PTPN4: variants seen among roughly 807,000 people sequenced by gnomAD.
The protein encoded by PTPN4 is protein tyrosine phosphatase non-receptor type 4.
Under a neutral mutation model 135.5 loss-of-function variants are expected in PTPN4, and 49 were observed. That is an observed-to-expected ratio of 0.36 (90% CI 0.29 to 0.46). The LOEUF is 0.46. PTPN4 is among the 20% of genes least tolerant of loss of function. The probability of loss-of-function intolerance (pLI) is 1.00; values close to 1 mark genes in which losing one functional copy is unlikely to be tolerated. For missense variants in PTPN4, 860 were observed against 1,101.0 expected, an observed-to-expected ratio of 0.78 and a Z score of 3.10; for synonymous variants, 333 against 369.9, an observed-to-expected ratio of 0.90 and a Z score of 1.14.
At chr2:119,955,100 C>T (rs981197720) in intron 19 of PTPN4, 57 bp from the exon 20 acceptor site, 14 of 1,424,514 alleles carry the variant, frequency 9.8e-6, no homozygotes, top group East Asian at 4.6e-5. Context: ...AAATTCCTAT[C>T]GTGTGAATTC....
At chr2:119,828,226 G>A (rs1325256019) in intron 2 of PTPN4, among the ~76,000 whole-genome samples, 1 of 152,194 alleles carries the variant, frequency 6.6e-6, no homozygotes, top group Non-Finnish European at 1.5e-5. Flanking sequence ...TATGAGCAAG[G>A]CATCTTGTAC....
Position 119,760,171 on chromosome 2 carries a change from T to TGCCACCTCCCC in PTPN4, c.-230_-220dup, listed in dbSNP as rs1209350309. The TGCCACCTCCCC allele has an allele frequency of 1.8e-5, 7 of 393,698 alleles. No individual in the cohort carries two copies. Among genetic ancestry groups the TGCCACCTCCCC allele is most frequent in the South Asian group, 1.3e-4 (1 of 7,452 alleles). The allele number at this position is 393,698 out of a possible 1,614,324, so 24.4% of individuals were successfully genotyped here. On this transcript the variant is annotated 5_prime_UTR_variant, in exon 1 of 27. Transcript: ENST00000263708. Reference sequence around the variant, plus strand: ...AGAGGTCGCCGGCTGCCCGCCTCCCTGCCACCTCCCCAGCGGCGCCGGCCC... The same window carrying TGCCACCTCCCC: ...AGAGGTCGCCGGCTGCCCGCCTCCCTGCCACCTCCCCGCCACCTCCCCAGCGGCGCCGGCCC...
intron 18 of PTPN4, among the ~76,000 whole-genome samples, chr2:119,950,167 T>G (rs1679191995): frequency 1.3e-5 from 2 of 152,174 alleles, no homozygotes; most frequent in Non-Finnish European, 2.9e-5. Flanking sequence ...AAAAGCTCTG[T>G]CTGCTATAGC....
intron 10 of PTPN4, among the ~76,000 whole-genome samples, chr2:119,913,931 T>C (rs1678610344): frequency 6.6e-6 from 1 of 152,174 alleles, no homozygotes. Flanking sequence ...ATTTATACAT[T>C]GGTATTTTTC....
At position 119,941,390 on chromosome 2, in the gene PTPN4, T is replaced by C. The variant is rs377667098; in HGVS notation, c.1356-3691T>C. On this transcript the variant is annotated intron_variant, in intron 15 of 26. Transcript: ENST00000263708. The stretch of plus-strand genomic sequence containing the variant: ...TTTCAGGAGTCTGTGTTGACATCCT[T>C]GATTACTTTTATAGACTTCAGAGTG... Among the ~76,000 whole-genome samples, 3 of 151,028 alleles carry C rather than the reference T, an allele frequency of 2.0e-5. No individual in the cohort carries two copies. In the East Asian group the frequency reaches 5.9e-4, roughly 30 times the overall value.
chr2:119,795,422 C>G (rs938273112), intron 1 of PTPN4, among the ~76,000 whole-genome samples: 2 of 152,250 alleles, frequency 1.3e-5, no homozygotes, highest in Admixed American at 1.3e-4. Flanking sequence ...GCGGGCCTCA[C>G]CCCCTCCTCG....
intron 2 of PTPN4, among the ~76,000 whole-genome samples, chr2:119,855,812 AT>A (rs1198736843): frequency 6.6e-6 from 1 of 150,400 alleles, no homozygotes; most frequent in Non-Finnish European, 1.5e-5. Flanking sequence ...ATTTATTATT[AT>A]TTTTTTTTGA....
At chr2:119,915,412 A>C in intron 11 of PTPN4, 170 bp downstream of exon 11, 1 of 461,634 alleles carries the variant, frequency 2.2e-6, no homozygotes, top group Non-Finnish European at 3.7e-6. Context: ...TTGTTTTTCC[A>C]GTGTGTATGT....
At chr2:119,782,983 C>T (rs1056561085) in intron 1 of PTPN4, among the ~76,000 whole-genome samples, 3 of 144,594 alleles carry the variant, frequency 2.1e-5, no homozygotes, top group Non-Finnish European at 4.5e-5. Context: ...TGAGCCACCA[C>T]GCCTGGCTGA....
intron 1 of PTPN4, among the ~76,000 whole-genome samples, chr2:119,808,773 T>C (rs1031959112): frequency 6.6e-6 from 1 of 152,198 alleles, no homozygotes; most frequent in Non-Finnish European, 1.5e-5. Context: ...CTTGTCAACA[T>C]AGTAAGACTT....
chr2:119,832,655 T>C (rs1677236018), intron 2 of PTPN4, among the ~76,000 whole-genome samples: 1 of 152,126 alleles, frequency 6.6e-6, no homozygotes, highest in Admixed American at 6.6e-5. Context: ...AGGAGATACT[T>C]GTATATCTTT....
At chr2:119,807,688 C>T (rs1055502850) in intron 1 of PTPN4, among the ~76,000 whole-genome samples, 3 of 152,130 alleles carry the variant, frequency 2.0e-5, no homozygotes, top group Admixed American at 2.0e-4. Context: ...CTATTCCAAT[C>T]AATAGAAAAA....
chr2:119,844,519 T>G (rs1354781893), intron 2 of PTPN4, among the ~76,000 whole-genome samples: 16 of 102,370 alleles, frequency 1.6e-4, no homozygotes, highest in African/African-American at 2.4e-4. Flanking sequence ...GGGCAGAGGG[T>G]CTCCTCACTT....
chr2:119,944,258 C>T (rs529282715), intron 15 of PTPN4, among the ~76,000 whole-genome samples: 32 of 152,138 alleles, frequency 2.1e-4, no homozygotes, highest in Non-Finnish European at 3.4e-4. Context: ...TTATCAAGAA[C>T]AATTTTCCGC....
At position 119,977,091 on chromosome 2, in the gene PTPN4, T is replaced by C; in HGVS notation, c.*21T>C. 1 of 1,580,740 alleles carries C rather than the reference T, an allele frequency of 6.3e-7. No homozygotes were observed. The highest frequency in any genetic ancestry group is 1.2e-5 in the South Asian group (1 of 84,300). On this transcript the variant is annotated 3_prime_UTR_variant, in exon 27 of 27. Coordinates refer to ENST00000263708, the MANE Select transcript of PTPN4 (RefSeq NM_002830.4). ...AATAAGAAAGCAAAAAGATCTGGGA[T>C]ATGTGTTGGAAAACTGCTTTCCCTT...
chr2:119,851,465 A>G (rs1574369789), intron 2 of PTPN4, among the ~76,000 whole-genome samples: 1 of 152,326 alleles, frequency 6.6e-6, no homozygotes, highest in South Asian at 2.1e-4. Flanking sequence ...AGGACTTTAT[A>G]GGACTTCTGG....
intron 2 of PTPN4, 43 bp downstream of exon 2, chr2:119,810,034 G>A (rs1374956589): frequency 6.4e-7 from 1 of 1,560,612 alleles, no homozygotes; most frequent in Non-Finnish European, 8.7e-7. Context: ...CTGGCTATAA[G>A]TCTGAATTTA....
intron 1 of PTPN4, among the ~76,000 whole-genome samples, chr2:119,792,109 T>C (rs1558726763): frequency 6.6e-6 from 1 of 152,224 alleles, no homozygotes; most frequent in Non-Finnish European, 1.5e-5. Flanking sequence ...TTAACAGTGG[T>C]AGAAAGTTCG....
At chr2:119,885,940 C>A in intron 9 of PTPN4, 58 bp downstream of exon 9, 2 of 1,183,562 alleles carry the variant, frequency 1.7e-6, no homozygotes, top group Non-Finnish European at 2.3e-6. Flanking sequence ...CTCAATATAA[C>A]ATTTTTTAAG....
Sources: allele counts gnomAD v4.1 joint callset (sites outside exome capture counted in the v4.1 genomes callset), GRCh38; gene constraint gnomAD v4.1.1; transcripts MANE v1.5; gene names NCBI Gene and HGNC (gene_info 2026-07-23, HGNC 2026-07-21).